Variants in FAM98A observed in about 807,000 individuals in gnomAD.
FAM98A encodes tRNA splicing ligase complex subunit 3A, also known as protein FAM98A.
A neutral mutation model predicts 62.9 loss-of-function variants in FAM98A; 25 were observed. That is an observed-to-expected ratio of 0.40 (90% CI 0.29 to 0.56). The LOEUF (loss-of-function observed/expected upper bound fraction) is 0.56, where lower values mean the gene tolerates loss of function less well. Ranked by LOEUF, FAM98A falls within the 20% of genes least tolerant of loss-of-function variation. The probability of loss-of-function intolerance (pLI) is 0.51; values close to 1 mark genes in which losing one functional copy is unlikely to be tolerated. For synonymous variants in FAM98A, 252 were observed against 228.6 expected (o/e 1.10, Z -0.92); for missense variants, 653 against 640.7 (o/e 1.02, Z -0.21).
At chr2:33,597,967 A>G (rs997357435) in intron 1 of FAM98A, among the ~76,000 whole-genome samples, 21 of 152,230 alleles carry the variant, frequency 1.4e-4, no homozygotes, top group Admixed American at 7.9e-4. Context: ...TAAAGAGACT[A>G]TTTTGCTGAA....
chr2:33,589,457 G>C (rs2151144625), intron 3 of FAM98A: 1 of 152,274 alleles, frequency 6.6e-6, no homozygotes, highest in African/African-American at 2.4e-5. Context: ...TTTGGGAAAA[G>C]ATATTTTCAA....
chr2:33,597,157 C>G (rs1677831969), intron 1 of FAM98A, among the ~76,000 whole-genome samples: 1 of 152,076 alleles, frequency 6.6e-6, no homozygotes, highest in African/African-American at 2.4e-5. Context: ...GTTTATTCAA[C>G]AAGTAGTTAC....
In FAM98A at chr2:33,587,159, A is replaced by G. The variant is rs1220005210; in HGVS notation, c.603+81T>C. ...ATGTATAAGAAAACATAATTTAAAA[A>G]GCACAAAATGTAAGTGTTGACATGA... On this transcript the variant is annotated intron_variant, in intron 5 of 7. Coordinates refer to ENST00000238823, the MANE Select transcript of FAM98A (RefSeq NM_015475.5). 4.6e-6 allele frequency: 4 copies of G among 877,238 alleles called. No homozygotes were observed. In the East Asian group the frequency reaches 7.3e-5, roughly 16 times the overall value. 54.3% of individuals were successfully genotyped at this position (877,238 alleles called of 1,614,324 possible). A position where few individuals can be genotyped will look rare whatever the true frequency, so the allele number is the denominator to read the frequency against.
chr2:33,592,496 G>T (rs1211093658), intron 2 of FAM98A, among the ~76,000 whole-genome samples: 1 of 152,102 alleles, frequency 6.6e-6, no homozygotes, highest in Non-Finnish European at 1.5e-5. Flanking sequence ...CTCCGGAATA[G>T]CTGGGCCTAC....
chr2:33,591,813 C>G (rs1457170198), intron 3 of FAM98A: 2 of 270,102 alleles, frequency 7.4e-6, no homozygotes, highest in African/African-American at 4.4e-5. Context: ...TCCAAAACTA[C>G]CAGTGATCAC....
At chr2:33,596,993 A>T (rs1392316045) in intron 1 of FAM98A, among the ~76,000 whole-genome samples, 1 of 152,172 alleles carries the variant, frequency 6.6e-6, no homozygotes, top group Non-Finnish European at 1.5e-5. Context: ...AGGTTTATAC[A>T]GTATATGCAA....
chr2:33,589,560 A>C (rs1677627954), intron 3 of FAM98A: 1 of 152,200 alleles, frequency 6.6e-6, no homozygotes, highest in African/African-American at 2.4e-5. Flanking sequence ...AGAGGCCATA[A>C]TTTTGGCAAA....
At chr2:33,595,750 AGT>A in intron 1 of FAM98A, 113 bp from the exon 2 acceptor site, 26 of 685,952 alleles carry the variant, frequency 3.8e-5, no homozygotes, top group Non-Finnish European at 5.4e-5. Flanking sequence ...AAGATAAGTT[AGT>A]ACTTATCTTT....
Position 33,590,217 on chromosome 2 carries a change from ACACTC to A in FAM98A, c.338-1703_338-1699del, listed in dbSNP as rs1677641725. Among the ~76,000 whole-genome samples the A allele has an allele frequency of 2.6e-5, 4 of 152,160 alleles. No homozygotes were observed. In the South Asian group the frequency reaches 8.3e-4, roughly 31 times the overall value. ...ATCTTACTTAATTTACGTAAGGGCAACACTCTGAGAACCATAAAAGGCCAATGAAG... is the reference window on the plus strand; with the variant it reads ...ATCTTACTTAATTTACGTAAGGGCAATGAGAACCATAAAAGGCCAATGAAG... On this transcript the variant is annotated intron_variant, in intron 3 of 7. Coordinates refer to ENST00000238823, the MANE Select transcript of FAM98A (RefSeq NM_015475.5).
chr2:33,585,632 A>G lies in FAM98A; in HGVS notation c.786T>C (p.Thr262=), dbSNP rs778721042. ...CAGCCAAAAGATGGGCAACAGAAAT[A>G]GTAGTTTTAGGGGATAAGACTGAAC... ...PKRSVLSPKT[T]ISVAHLLAAR... is the part of the protein sequence containing the mutation. Residue 262 remains threonine, a synonymous_variant, in exon 7 of 8, where the codon ACT becomes ACC. Coordinates refer to ENST00000238823, the MANE Select transcript of FAM98A (RefSeq NM_015475.5). 6.2e-6 allele frequency: 10 copies of G among 1,614,182 alleles called. No individual in the cohort carries two copies. In the South Asian group the frequency reaches 7.7e-5, roughly 12 times the overall value.
chr2:33,597,172 T>A (rs1677832233), intron 1 of FAM98A, among the ~76,000 whole-genome samples: 1 of 152,164 alleles, frequency 6.6e-6, no homozygotes, highest in Non-Finnish European at 1.5e-5. Flanking sequence ...AGTTACTGAA[T>A]TCCTACTGTG....
intron 3 of FAM98A, 151 bp downstream of exon 3, chr2:33,591,929 C>T: frequency 2.9e-6 from 2 of 694,294 alleles, no homozygotes; most frequent in Non-Finnish European, 4.7e-6. Flanking sequence ...CCCTCAGCTC[C>T]TAAATTGGAA....
rs769316364 is a variant in FAM98A at position 33,584,980 on chromosome 2, G to T, written c.1353C>A (p.Gly451=). ...CACCACCACGATCACCATGGTGCCC[G>T]CCATCTTGGTATCTATTGTCCTGCT... ...GYQQDNRYQD[G]GHHGDRGGGR... Residue 451 remains glycine, a synonymous_variant, in exon 8 of 8, where the codon GGC becomes GGA. Coordinates refer to ENST00000238823, the MANE Select transcript of FAM98A (RefSeq NM_015475.5). 61 of 1,613,574 alleles carry T rather than the reference G, an allele frequency of 3.8e-5. No homozygotes were observed. The highest frequency in any genetic ancestry group is 5.1e-5 in the Non-Finnish European group (60 of 1,179,956).
intron 4 of FAM98A, chr2:33,588,099 G>T (rs550149061): frequency 3.9e-6 from 2 of 518,954 alleles, no homozygotes; most frequent in South Asian, 3.6e-5. Context: ...TTACAAACCA[G>T]TGTAAAGTTT....
rs1677525608 is a variant in FAM98A at position 33,585,459 on chromosome 2, A to T, written c.889-15T>A. On this transcript the variant is annotated splice_polypyrimidine_tract_variant and intron_variant, in intron 7 of 7. Transcript: ENST00000238823. ...CCCATCAACACCTACAGAATAGGAA[A>T]GATATTTTAAACTTTTATTTTATGA... The T allele has an allele frequency of 1.2e-6, 2 of 1,613,476 alleles. No homozygotes were observed. Among genetic ancestry groups the T allele is most frequent in the African/African-American group, 1.3e-5 (1 of 74,810 alleles).
intron 2 of FAM98A, among the ~76,000 whole-genome samples, chr2:33,593,411 A>G (rs543025127): frequency 4.6e-5 from 7 of 152,288 alleles, no homozygotes; most frequent in Non-Finnish European, 1.0e-4. Flanking sequence ...CTAAAAACAA[A>G]CAAACAAAAG....
chr2:33,590,740 A>C (rs1677654522), intron 3 of FAM98A, among the ~76,000 whole-genome samples: 1 of 152,206 alleles, frequency 6.6e-6, no homozygotes, highest in Non-Finnish European at 1.5e-5. Flanking sequence ...CCTGAGTCCA[A>C]AATAATGTTC....
At chr2:33,586,876 G>A (rs1677569447) in intron 5 of FAM98A, 198 bp from the exon 6 acceptor site, 7 of 570,668 alleles carry the variant, frequency 1.2e-5, no homozygotes, top group South Asian at 2.3e-5. Flanking sequence ...ATAATGAAGA[G>A]TATGTGAAGT....
At chr2:33,593,214 A>G (rs1171065277) in intron 2 of FAM98A, among the ~76,000 whole-genome samples, 1 of 152,158 alleles carries the variant, frequency 6.6e-6, no homozygotes, top group African/African-American at 2.4e-5. Flanking sequence ...GACCAGCCTG[A>G]GTAACGTGGC....
Sources: gnomAD v4.1 joint callset for allele counts (sites outside exome capture counted in the v4.1 genomes callset) on GRCh38, gnomAD v4.1.1 for gene constraint, MANE v1.5 for transcripts, NCBI Gene and HGNC (gene_info 2026-07-23, HGNC 2026-07-21) for gene names.